SPSB1: variants seen among roughly 807,000 people sequenced by gnomAD.
SPSB1 encodes splA/ryanodine receptor domain and SOCS box containing 1.
SPSB1 carries 8 observed loss-of-function variants against 21.2 expected under a neutral mutation model. That is an observed-to-expected ratio of 0.38 (90% confidence interval 0.22 to 0.68). The LOEUF is 0.68. Ranked by LOEUF, SPSB1 falls within the 30% of genes least tolerant of loss-of-function variation. The pLI is 0.53. For missense variants in SPSB1, 242 were observed against 377.8 expected (o/e 0.64, Z 2.98); for synonymous variants, 169 against 161.7 (o/e 1.05, Z -0.34).
At chr1:9,300,646 A>G (rs923876928) in intron 1 of SPSB1, among the ~76,000 whole-genome samples, 1 of 152,212 alleles carries the variant, frequency 6.6e-6, no homozygotes, top group Non-Finnish European at 1.5e-5. Flanking sequence ...TGAGCTGCCC[A>G]TCATGAAGTG....
intron 1 of SPSB1, among the ~76,000 whole-genome samples, chr1:9,314,706 G>C (rs1371200483): frequency 3.9e-5 from 6 of 152,244 alleles, no homozygotes; most frequent in Non-Finnish European, 5.9e-5. Context: ...TTGAGTGTCA[G>C]ACTTGAATTA....
chr1:9,318,503 G>T lies in SPSB1; in HGVS notation c.-150+25432G>T, dbSNP rs576740176. 1.0e-3 allele frequency among the ~76,000 whole-genome samples: 153 copies of T among 152,310 alleles called. 1 individual carries two copies. Among genetic ancestry groups the T allele is most frequent in the Middle Eastern group, 6.8e-3 (2 of 294 alleles). On this transcript the variant is annotated intron_variant, in intron 1 of 2. Transcript: ENST00000328089. ...TCCTTCCTCCACTCCCAGGTTTCCA[G>T]CATCCAAGGAAGACCCTGAGTTTGG...
At chr1:9,331,309 A>G (rs1025793679) in intron 1 of SPSB1, among the ~76,000 whole-genome samples, 1 of 139,058 alleles carries the variant, frequency 7.2e-6, no homozygotes, top group Non-Finnish European at 1.5e-5. Context: ...TCCTTCTGCT[A>G]CTGGTGCTCT....
chr1:9,366,829 C>T (rs1188963987), intron 2 of SPSB1, among the ~76,000 whole-genome samples: 1 of 152,218 alleles, frequency 6.6e-6, no homozygotes, highest in African/African-American at 2.4e-5. Flanking sequence ...CCACCTTGGC[C>T]TCCCAAAATG....
At chr1:9,337,519 T>C (rs1190535134) in intron 1 of SPSB1, among the ~76,000 whole-genome samples, 2 of 146,382 alleles carry the variant, frequency 1.4e-5, no homozygotes, top group Admixed American at 6.8e-5. Flanking sequence ...AGGGTGAGGC[T>C]GGGGGTAGGG....
intron 1 of SPSB1, among the ~76,000 whole-genome samples, chr1:9,299,102 A>C (rs1192142363): frequency 7.9e-5 from 12 of 152,234 alleles, no homozygotes; most frequent in Non-Finnish European, 1.5e-5. Flanking sequence ...GGATTATTGT[A>C]AACTTAACCA....
chr1:9,353,604 GACCGTGC>G (rs1640307136), intron 1 of SPSB1, among the ~76,000 whole-genome samples: 1 of 152,174 alleles, frequency 6.6e-6, no homozygotes, highest in Non-Finnish European at 1.5e-5. Flanking sequence ...CTGAAGAGAT[GACCGTGC>G]CCCTGAGATC....
Position 9,293,117 on chromosome 1 carries a change from C to G in SPSB1, c.-150+46C>G, listed in dbSNP as rs1352849396. 1 of 977,854 alleles carries G rather than the reference C, an allele frequency of 1.0e-6. No individual in the cohort carries two copies. The highest frequency in any genetic ancestry group is 1.2e-4 in the East Asian group (1 of 8,622). 60.6% of individuals were successfully genotyped at this position (977,854 alleles called of 1,614,324 possible). On this transcript the variant is annotated intron_variant, in intron 1 of 2. Coordinates refer to ENST00000328089, the MANE Select transcript of SPSB1 (RefSeq NM_025106.4). This position sits in a 1 kb window ranked among gnomAD's most constrained non-coding sequence, Gnocchi z 5.1. ...GGGACCCCGATGGGTGGGCGACCGG[C>G]CCGGGAGGGGGAGGCGCGGGGGGCC...
chr1:9,361,320 G>A (rs1640474830), intron 2 of SPSB1, among the ~76,000 whole-genome samples: 1 of 151,798 alleles, frequency 6.6e-6, no homozygotes, highest in South Asian at 2.1e-4. Flanking sequence ...TTTTCTTGGT[G>A]GCAGACCTGA....
chr1:9,322,452 G>T (rs1049316525), intron 1 of SPSB1, among the ~76,000 whole-genome samples: 3 of 152,274 alleles, frequency 2.0e-5, no homozygotes, highest in South Asian at 2.1e-4. Context: ...CCCAAAAGGC[G>T]CCTGCTCACC....
intron 2 of SPSB1, among the ~76,000 whole-genome samples, chr1:9,359,951 T>A (rs1219425705): frequency 2.0e-5 from 3 of 152,006 alleles, no homozygotes; most frequent in Non-Finnish European, 4.4e-5. Context: ...TGACTTGCAT[T>A]GTTTGGGTTG....
chr1:9,363,831 G>T lies in SPSB1; in HGVS notation c.695-3617G>T, dbSNP rs934243267. On this transcript the variant is annotated intron_variant, in intron 2 of 2. Transcript: ENST00000328089. This position sits in a 1 kb window ranked among gnomAD's most constrained non-coding sequence, Gnocchi z 4.5. Reference sequence around the variant, plus strand: ...TCCTCCTGCCTCAAACTCCCAAGTAGCTGGGACTACAGGCATGCACGACCA... The same window carrying T: ...TCCTCCTGCCTCAAACTCCCAAGTATCTGGGACTACAGGCATGCACGACCA... Among the ~76,000 whole-genome samples, 1 of 152,104 alleles carries T rather than the reference G, an allele frequency of 6.6e-6. No homozygotes were observed. Among genetic ancestry groups the T allele is most frequent in the Non-Finnish European group, 1.5e-5 (1 of 68,018 alleles).
In SPSB1 at chr1:9,349,476, G is replaced by A. The variant is rs866803736; in HGVS notation, c.-149-6267G>A. On this transcript the variant is annotated intron_variant, in intron 1 of 2. Transcript: ENST00000328089. ...CTCAACCAGAGAGGCCAAGGGACGTGGAGCGTGAGAGGCTGAGGCCTTGGC... is the reference window on the plus strand; with the variant it reads ...CTCAACCAGAGAGGCCAAGGGACGTAGAGCGTGAGAGGCTGAGGCCTTGGC... Among the ~76,000 whole-genome samples the A allele has an allele frequency of 4.6e-5, 7 of 152,264 alleles. No individual in the cohort carries two copies. The South Asian group carries it at 1.4e-3, about 31-fold the overall frequency.
At position 9,363,214 on chromosome 1, in the gene SPSB1, C is replaced by T. The variant is rs75677526; in HGVS notation, c.695-4234C>T. The stretch of plus-strand genomic sequence containing the variant: ...GGGCCCTATGCGCCATCAGTTTCCT[C>T]CTGCAAGATCAAGGAGGCGTGACCT... On this transcript the variant is annotated intron_variant, in intron 2 of 2. Coordinates refer to ENST00000328089, the MANE Select transcript of SPSB1 (RefSeq NM_025106.4). The surrounding 1 kb of genome is among the most constrained non-coding windows in gnomAD (Gnocchi z 4.5). Among the ~76,000 whole-genome samples, 822 of 152,344 alleles carry T rather than the reference C, an allele frequency of 5.4e-3. 5 individuals carry two copies. Among genetic ancestry groups the T allele is most frequent in the African/African-American group, 0.019 (795 of 41,584 alleles).
chr1:9,311,777 T>C (rs981901124), intron 1 of SPSB1, among the ~76,000 whole-genome samples: 1 of 152,082 alleles, frequency 6.6e-6, no homozygotes, highest in African/African-American at 2.4e-5. Flanking sequence ...TTTGTGTGTT[T>C]GGGATGGGAC....
intron 1 of SPSB1, among the ~76,000 whole-genome samples, chr1:9,354,737 G>A (rs1195937607): frequency 6.6e-6 from 1 of 151,966 alleles, no homozygotes; most frequent in Non-Finnish European, 1.5e-5. Context: ...GGAGGTGGAG[G>A]TTGCAGTGAG....
chr1:9,328,748 C>T (rs1159778893), intron 1 of SPSB1, among the ~76,000 whole-genome samples: 1 of 152,216 alleles, frequency 6.6e-6, no homozygotes, highest in Non-Finnish European at 1.5e-5. Context: ...GAATACCCTG[C>T]GTCTTTTCAC....
chr1:9,307,076 T>C lies in SPSB1; in HGVS notation c.-150+14005T>C, dbSNP rs190515168. ...CTGGGTAGCTGGGATTACAGGCACG[T>C]GCCACCACGCCTGGCTAATTTTTGT... On this transcript the variant is annotated intron_variant, in intron 1 of 2. Coordinates refer to ENST00000328089, the MANE Select transcript of SPSB1 (RefSeq NM_025106.4). Among the ~76,000 whole-genome samples, 330 of 151,970 alleles carry C rather than the reference T, an allele frequency of 2.2e-3. 1 individual carries two copies. The highest frequency in any genetic ancestry group is 4.5e-3 in the East Asian group (23 of 5,168).
At chr1:9,304,156 C>T (rs1198497881) in intron 1 of SPSB1, among the ~76,000 whole-genome samples, 1 of 152,166 alleles carries the variant, frequency 6.6e-6, no homozygotes, top group Non-Finnish European at 1.5e-5. Context: ...CTCCTGCACT[C>T]GGATGTCACA....
Sources: allele counts gnomAD v4.1 joint callset (sites outside exome capture counted in the v4.1 genomes callset), GRCh38; gene constraint gnomAD v4.1.1; non-coding constraint Gnocchi (gnomAD v3.1); transcripts MANE v1.5; gene names NCBI Gene and HGNC (gene_info 2026-07-23, HGNC 2026-07-21).